KPNA1: variants seen among roughly 807,000 people sequenced by gnomAD.
KPNA1 encodes karyopherin subunit alpha 1.
KPNA1 carries 10 observed loss-of-function variants against 70.5 expected under a neutral mutation model. That is an observed-to-expected ratio of 0.14 (90% CI 0.09 to 0.24). The LOEUF is 0.24. KPNA1 is among the 10% of genes least tolerant of loss of function. The pLI is 1.00. For missense variants in KPNA1, 397 were observed against 637.9 expected, an observed-to-expected ratio of 0.62 and a Z score of 4.07; for synonymous variants, 192 against 221.9, an observed-to-expected ratio of 0.87 and a Z score of 1.20.
chr3:122,452,956 C>CT (rs965426385), intron 6 of KPNA1, among the ~76,000 whole-genome samples: 17 of 151,478 alleles, frequency 1.1e-4, no homozygotes, highest in South Asian at 2.1e-4. Flanking sequence ...TAGCCACTTT[C>CT]TTTTTTTTTG....
chr3:122,507,402 T>C (rs1009891154), intron 1 of KPNA1, among the ~76,000 whole-genome samples: 11 of 148,206 alleles, frequency 7.4e-5, no homozygotes, highest in Admixed American at 6.1e-4. Flanking sequence ...GATTGTGCCA[T>C]TGCACTCCAG....
chr3:122,498,358 G>GA (rs758650762), intron 1 of KPNA1, among the ~76,000 whole-genome samples: 18 of 152,178 alleles, frequency 1.2e-4, no homozygotes, highest in South Asian at 4.1e-4. Context: ...AGGACACAGA[G>GA]AAAAGATAAG....
intron 12 of KPNA1, among the ~76,000 whole-genome samples, chr3:122,431,704 GC>G (rs1185256453): frequency 6.6e-6 from 1 of 152,108 alleles, no homozygotes; most frequent in Non-Finnish European, 1.5e-5. Context: ...AGGGACAGCA[GC>G]AATTCTGCGC....
chr3:122,440,197 TTACAA>T (rs2076044275), intron 10 of KPNA1, among the ~76,000 whole-genome samples: 2 of 152,088 alleles, frequency 1.3e-5, no homozygotes, highest in Admixed American at 1.3e-4. Context: ...TAGTAATTAG[TTACAA>T]TACAATGTGA....
Position 122,495,267 on chromosome 3 carries a change from A to AAAAAAAAAAAAAAG in KPNA1, c.129+1169_129+1170insCTTTTTTTTTTTTT, listed in dbSNP as rs1323280431. On this transcript the variant is annotated intron_variant, in intron 2 of 13. Transcript: ENST00000344337. ...AGACTCTGCCTCAAACAAACCAAAA[A>AAAAAAAAAAAAAAG]AAAAAAAAGAAAAGGAAATTCACCC... 2.0e-5 allele frequency among the ~76,000 whole-genome samples: 3 copies of AAAAAAAAAAAAAAG among 151,334 alleles called. No individual in the cohort carries two copies. The East Asian group carries it at 5.8e-4, about 29-fold the overall frequency.
chr3:122,449,456 T>C, intron 9 of KPNA1, 118 bp downstream of exon 9: 1 of 817,240 alleles, frequency 1.2e-6, no homozygotes, highest in Non-Finnish European at 1.9e-6. Context: ...ACAAAAACAG[T>C]AGCCCAAAGC....
chr3:122,485,455 CAAAA>C (rs11289502), intron 2 of KPNA1, among the ~76,000 whole-genome samples: 3 of 139,024 alleles, frequency 2.2e-5, no homozygotes, highest in Non-Finnish European at 4.7e-5. Context: ...AGCCATATGC[CAAAA>C]AAAAAAAAAA....
At chr3:122,429,796 A>G (rs1361915475) in intron 12 of KPNA1, among the ~76,000 whole-genome samples, 1 of 152,224 alleles carries the variant, frequency 6.6e-6, no homozygotes, top group Non-Finnish European at 1.5e-5. Context: ...AACTTACTAT[A>G]ATCTAATCAA....
chr3:122,445,348 T>C (rs2076123325), intron 9 of KPNA1, among the ~76,000 whole-genome samples: 1 of 152,016 alleles, frequency 6.6e-6, no homozygotes, highest in Non-Finnish European at 1.5e-5. Context: ...GAAGACAAGA[T>C]TAGAGAAAAA....
intron 2 of KPNA1, among the ~76,000 whole-genome samples, chr3:122,478,193 A>G (rs578209668): frequency 1.3e-5 from 2 of 151,788 alleles, no homozygotes; most frequent in South Asian, 4.2e-4. Flanking sequence ...AAAAAGAAAA[A>G]GAAAAAAGGG....
intron 2 of KPNA1, among the ~76,000 whole-genome samples, chr3:122,495,121 G>A (rs1254414542): frequency 4.0e-5 from 6 of 151,710 alleles, no homozygotes; most frequent in Non-Finnish European, 5.9e-5. Flanking sequence ...GTGGTGGCAC[G>A]CGCCTGTAGT....
intron 5 of KPNA1, chr3:122,457,726 C>A (rs939984877): frequency 3.9e-6 from 5 of 1,287,414 alleles, no homozygotes; most frequent in African/African-American, 1.5e-5. Context: ...TACTTCTGAC[C>A]TCCTATCAAG....
At chr3:122,475,762 G>T (rs1269339184) in intron 2 of KPNA1, among the ~76,000 whole-genome samples, 1 of 152,114 alleles carries the variant, frequency 6.6e-6, no homozygotes, top group East Asian at 1.9e-4. Flanking sequence ...CATTTTGCAT[G>T]ATATATGTAT....
At chr3:122,466,664 T>C (rs1456825934) in intron 3 of KPNA1, among the ~76,000 whole-genome samples, 2 of 152,162 alleles carry the variant, frequency 1.3e-5, no homozygotes, top group African/African-American at 4.8e-5. Flanking sequence ...TTTTAAATCA[T>C]ACAAACAGGT....
chr3:122,453,698 G>A (rs1255356718), intron 6 of KPNA1, among the ~76,000 whole-genome samples, 172 bp downstream of exon 6: 10 of 152,010 alleles, frequency 6.6e-5, no homozygotes, highest in African/African-American at 1.9e-4. Flanking sequence ...CACCATGCCC[G>A]GCTAATTTTT....
rs894155179 is a variant in KPNA1, at chr3:122,459,760, T to C, written c.432+1464A>G. 1.4e-5 allele frequency: 14 copies of C among 985,312 alleles called. No individual in the cohort carries two copies. In the Admixed American group the frequency reaches 1.8e-4, roughly 13 times the overall value. The allele number at this position is 985,312 out of a possible 1,614,324, so 61.0% of individuals were successfully genotyped here. On this transcript the variant is annotated intron_variant, in intron 5 of 13. Coordinates refer to ENST00000344337, the MANE Select transcript of KPNA1 (RefSeq NM_002264.4). ...CTGGAGAAGAAAAACTGATGTGACA[T>C]TGAAGTACTCTACCTTTTCTGGATT...
chr3:122,448,832 A>G (rs1031482680), intron 9 of KPNA1, among the ~76,000 whole-genome samples: 18 of 152,162 alleles, frequency 1.2e-4, no homozygotes, highest in Non-Finnish European at 1.2e-4. Flanking sequence ...CAGATTTTGA[A>G]TGATGTACTT....
chr3:122,437,299 A>C lies in KPNA1; in HGVS notation c.997-4T>G. On this transcript the variant is annotated splice_polypyrimidine_tract_variant and splice_region_variant and intron_variant, in intron 10 of 13. Transcript: ENST00000344337. ...GAGCTGAGCAATTCAGAATTACCTA[A>C]AAGAAAAAGTTTGAAAATTTTACTT... 6.3e-7 allele frequency: 1 copy of C among 1,589,422 alleles called. No individual in the cohort carries two copies. Among genetic ancestry groups the C allele is most frequent in the South Asian group, 1.2e-5 (1 of 85,666 alleles).
At chr3:122,460,662 A>AAAAT in intron 5 of KPNA1, 1 of 797,732 alleles carries the variant, frequency 1.3e-6, no homozygotes, top group Non-Finnish European at 1.5e-6. Flanking sequence ...AAAAAAAAAA[A>AAAAT]GAAAATTCTG....
Sources: allele counts gnomAD v4.1 joint callset (sites outside exome capture counted in the v4.1 genomes callset), GRCh38; gene constraint gnomAD v4.1.1; transcripts MANE v1.5; gene names NCBI Gene and HGNC (gene_info 2026-07-23, HGNC 2026-07-21).